The following GRB10 variants were observed in gnomAD, a reference collection of about 807,000 sequenced individuals.
The protein encoded by GRB10 is growth factor receptor bound protein 10, also known as growth factor receptor-bound protein 10.
GRB10 carries 20 observed loss-of-function variants against 80.9 expected under a neutral mutation model. The observed-to-expected ratio is 0.25, with a 90% CI of 0.17 to 0.36. GRB10 has a LOEUF of 0.36. Ranked by LOEUF, GRB10 falls within the 10% of genes least tolerant of loss-of-function variation. GRB10 has a pLI of 1.00. For synonymous variants in GRB10, 291 were observed against 291.5 expected, an observed-to-expected ratio of 1.00 and a Z score of 0.02; for missense variants, 548 against 747.7, an observed-to-expected ratio of 0.73 and a Z score of 3.12.
intron 18 of GRB10, among the ~76,000 whole-genome samples, chr7:50,594,108 T>C (rs1413620169): frequency 6.6e-6 from 1 of 152,208 alleles, no homozygotes; most frequent in Non-Finnish European, 1.5e-5. Flanking sequence ...GGATTGTCTA[T>C]GCAGCACTTT....
intron 7 of GRB10, 123 bp downstream of exon 7, chr7:50,669,599 A>T (rs1206995521): frequency 2.2e-6 from 2 of 924,678 alleles, no homozygotes; most frequent in African/African-American, 1.6e-5. Flanking sequence ...CAAGAAAAGA[A>T]CTGAGAGAGA....
chr7:50,732,010 T>C (rs1286394496), intron 4 of GRB10, among the ~76,000 whole-genome samples: 1 of 152,226 alleles, frequency 6.6e-6, no homozygotes, highest in African/African-American at 2.4e-5. Context: ...AACTCTGTAC[T>C]ACAACCAAAC....
At chr7:50,747,855 G>C (rs373215418) in intron 3 of GRB10, among the ~76,000 whole-genome samples, 15 of 152,146 alleles carry the variant, frequency 9.9e-5, no homozygotes, top group Admixed American at 8.5e-4. Flanking sequence ...TCCAGACATC[G>C]AGATAGGAAA....
At chr7:50,684,708 T>C (rs1375664638) in intron 5 of GRB10, among the ~76,000 whole-genome samples, 1 of 152,194 alleles carries the variant, frequency 6.6e-6, no homozygotes, top group Non-Finnish European at 1.5e-5. Flanking sequence ...TCTGTACTAC[T>C]CAAAAGACAC....
intron 7 of GRB10, among the ~76,000 whole-genome samples, chr7:50,640,695 A>G (rs1020724287): frequency 2.6e-5 from 4 of 152,174 alleles, no homozygotes; most frequent in Non-Finnish European, 5.9e-5. Flanking sequence ...TTGCCATCCA[A>G]ATCATCTCAC....
chr7:50,765,754 TTAATTAAA>T (rs2076278108), intron 2 of GRB10, among the ~76,000 whole-genome samples: 1 of 25,368 alleles, frequency 3.9e-5, no homozygotes, highest in South Asian at 2.0e-3. Context: ...ATAAGTACAC[TTAATTAAA>T]TAAATCAATA....
At chr7:50,742,306 CACACACACAT>C (rs1389534935) in intron 3 of GRB10, among the ~76,000 whole-genome samples, 3 of 121,174 alleles carry the variant, frequency 2.5e-5, no homozygotes, top group Admixed American at 1.7e-4. Context: ...CACACACACA[CACACACACAT>C]ACACGGCATC....
chr7:50,619,674 G>A (rs1413537760), intron 8 of GRB10, among the ~76,000 whole-genome samples: 1 of 152,192 alleles, frequency 6.6e-6, no homozygotes, highest in African/African-American at 2.4e-5. Flanking sequence ...AGAGGTGGAG[G>A]AGGGGGATGA....
At chr7:50,623,740 G>C (rs1391049415) in intron 8 of GRB10, among the ~76,000 whole-genome samples, 1 of 152,160 alleles carries the variant, frequency 6.6e-6, no homozygotes, top group Non-Finnish European at 1.5e-5. Flanking sequence ...ATTATTAAGG[G>C]ACTGATATTT....
chr7:50,742,296 CACACACACACACACACACAT>C (rs2072007200), intron 3 of GRB10, among the ~76,000 whole-genome samples: 2 of 143,514 alleles, frequency 1.4e-5, no homozygotes, highest in Non-Finnish European at 1.5e-5. Context: ...CACACACACA[CACACACACACACACACACAT>C]ACACGGCATC....
chr7:50,728,847 T>A (rs1470851488), intron 4 of GRB10, among the ~76,000 whole-genome samples: 1 of 152,104 alleles, frequency 6.6e-6, no homozygotes. Context: ...ATTTTTGTAT[T>A]TTCAATAGAG....
intron 7 of GRB10, among the ~76,000 whole-genome samples, chr7:50,658,803 C>A (rs2058921992): frequency 6.6e-6 from 1 of 152,164 alleles, no homozygotes; most frequent in Non-Finnish European, 1.5e-5. Context: ...TCATATTTAG[C>A]CAAACAAGTG....
At chr7:50,659,744 T>C (rs1278436793) in intron 7 of GRB10, among the ~76,000 whole-genome samples, 1 of 152,172 alleles carries the variant, frequency 6.6e-6, no homozygotes, top group African/African-American at 2.4e-5. Context: ...GGTTAGAACA[T>C]CCATCCTTCA....
chr7:50,781,256 C>G (rs1400923603), intron 1 of GRB10: 2 of 152,260 alleles, frequency 1.3e-5, no homozygotes, highest in East Asian at 3.9e-4. Flanking sequence ...CGTCCTTCAG[C>G]GCGTGGCTGC....
intron 7 of GRB10, among the ~76,000 whole-genome samples, chr7:50,666,607 C>T (rs780201810): frequency 2.6e-5 from 4 of 152,294 alleles, no homozygotes; most frequent in African/African-American, 4.8e-5. Context: ...TGTCCCAGCA[C>T]GCGGGCCAGG....
intron 5 of GRB10, among the ~76,000 whole-genome samples, chr7:50,701,201 A>G (rs1477450816): frequency 1.3e-5 from 2 of 152,192 alleles, no homozygotes; most frequent in Non-Finnish European, 2.9e-5. Context: ...GACGCACCTA[A>G]TATTTTTAAA....
intron 3 of GRB10, among the ~76,000 whole-genome samples, chr7:50,735,630 T>C (rs1280406960): frequency 2.0e-5 from 3 of 152,174 alleles, no homozygotes; most frequent in Non-Finnish European, 4.4e-5. Flanking sequence ...AATGAAAAAC[T>C]GTAAAGGACT....
At chr7:50,757,371 C>A (rs2075230847) in intron 2 of GRB10, among the ~76,000 whole-genome samples, 2 of 152,202 alleles carry the variant, frequency 1.3e-5, no homozygotes. Context: ...CAAATGTATA[C>A]TCATCATTAA....
intron 14 of GRB10, 85 bp downstream of exon 14, chr7:50,606,252 C>A (rs2048502553): frequency 9.4e-7 from 1 of 1,065,348 alleles, no homozygotes. Context: ...CTCTTGCCCA[C>A]CCTGTGTGAA....
Sources: allele counts gnomAD v4.1 joint callset (sites outside exome capture counted in the v4.1 genomes callset), GRCh38; gene constraint gnomAD v4.1.1; transcripts MANE v1.5; gene names NCBI Gene and HGNC (gene_info 2026-07-23, HGNC 2026-07-21).